Variants in TTC22 observed in about 807,000 individuals in gnomAD.
TTC22 encodes the protein tetratricopeptide repeat protein 22.
In TTC22, 42 loss-of-function variants were observed where a neutral mutation model predicts 48.2. The observed-to-expected ratio is 0.87, with a 90% CI of 0.68 to 1.13. The LOEUF (loss-of-function observed/expected upper bound fraction) is 1.13, where lower values mean the gene tolerates loss of function less well. Ranked by LOEUF, TTC22 falls within the 50% of genes most tolerant of loss-of-function variation. The pLI is 0.00. For missense variants in TTC22, 784 were observed against 807.0 expected (o/e 0.97, Z 0.34); for synonymous variants, 345 against 365.5 (o/e 0.94, Z 0.64).
At chr1:54,791,032 G>A (rs1430536584) in intron 1 of TTC22, among the ~76,000 whole-genome samples, 1 of 152,082 alleles carries the variant, frequency 6.6e-6, no homozygotes, top group Non-Finnish European at 1.5e-5. Flanking sequence ...ACTAGTTTTT[G>A]TATTTTTAGT....
At position 54,801,307 on chromosome 1, in the gene TTC22, G is replaced by C; in HGVS notation, c.-144C>G. The C allele has an allele frequency of 1.2e-6, 1 of 814,342 alleles. No individual in the cohort carries two copies. Among genetic ancestry groups the C allele is most frequent in the Non-Finnish European group, 1.9e-6 (1 of 523,660 alleles). The allele number at this position is 814,342 out of a possible 1,614,324, so 50.4% of individuals were successfully genotyped here. On this transcript the variant is annotated 5_prime_UTR_variant, in exon 1 of 7. Transcript: ENST00000371276. Reference sequence around the variant, plus strand: ...CGGGCGCTGCGGCCTCTCGGTCTCAGGGCGCCTCCCGCAGGTGGGTGGGCC... The same window carrying C: ...CGGGCGCTGCGGCCTCTCGGTCTCACGGCGCCTCCCGCAGGTGGGTGGGCC...
intron 1 of TTC22, among the ~76,000 whole-genome samples, chr1:54,789,964 C>T (rs1305976180): frequency 6.6e-6 from 1 of 152,162 alleles, no homozygotes; most frequent in Non-Finnish European, 1.5e-5. Context: ...AGGGCTGGAA[C>T]CCTGATGGTA....
intron 1 of TTC22, among the ~76,000 whole-genome samples, chr1:54,800,388 C>T (rs1401252922): frequency 6.6e-6 from 1 of 152,180 alleles, no homozygotes; most frequent in East Asian, 1.9e-4. Flanking sequence ...CTTGGGCAGG[C>T]AGTCCCACTA....
At position 54,782,319 on chromosome 1, in the gene TTC22, C is replaced by A; in HGVS notation, c.1173+6G>T. On this transcript the variant is annotated splice_donor_region_variant and intron_variant, in intron 6 of 6. Transcript: ENST00000371276. ...AGCTATTGGCTAAGCCAAGAGACTG[C>A]CTTACCTGGCCGATGTCCAGGTACG... 1 of 1,532,034 alleles carries A rather than the reference C, an allele frequency of 6.5e-7. No homozygotes were observed. The highest frequency in any genetic ancestry group is 8.8e-7 in the Non-Finnish European group (1 of 1,135,788). 94.9% of individuals were successfully genotyped at this position (1,532,034 alleles called of 1,614,324 possible).
intron 1 of TTC22, among the ~76,000 whole-genome samples, chr1:54,796,077 T>C (rs1008522248): frequency 6.6e-6 from 1 of 152,288 alleles, no homozygotes; most frequent in African/African-American, 2.4e-5. Context: ...AAAGCACTTG[T>C]GTGCACAGTG....
rs1646432970 is a variant in TTC22 at position 54,801,018 on chromosome 1, T to G, written c.146A>C (p.Gln49Pro). The G allele has an allele frequency of 1.2e-6, 2 of 1,610,880 alleles. No homozygotes were observed. Among genetic ancestry groups the G allele is most frequent in the East Asian group, 2.2e-5 (1 of 44,792 alleles). Residue 49 changes from glutamine (Q) to proline (P), a missense_variant, in exon 1 of 7, where the codon CAG (glutamine) becomes CCG (proline). Transcript: ENST00000371276. ...GAGCTCCTGCCGCAGACCCTCCCGC[T>G]GCAGCTTCAGGTCCCGGGCGCGCTG... ...APQRARDLKL[Q>P]REGLRQELQL... is the part of the protein sequence containing the mutation.
chr1:54,783,369 A>C (rs1177772284), intron 5 of TTC22, among the ~76,000 whole-genome samples: 1 of 152,200 alleles, frequency 6.6e-6, no homozygotes, highest in Non-Finnish European at 1.5e-5. Flanking sequence ...CCTGAACCTC[A>C]TTTCTATATC....
intron 1 of TTC22, among the ~76,000 whole-genome samples, chr1:54,788,638 G>C (rs661976): frequency 2.0e-5 from 3 of 152,134 alleles, no homozygotes; most frequent in Non-Finnish European, 4.4e-5. Context: ...CCAGCTTCGG[G>C]AAGGAATTTT....
At position 54,792,721 on chromosome 1, in the gene TTC22, CT is replaced by C. The variant is rs558237296; in HGVS notation, c.568-4625del. On this transcript the variant is annotated intron_variant, in intron 1 of 6. Transcript: ENST00000371276. ...GTGCTGGGATTACAGGCTTGAGCCA[CT>C]GTGTTTGGCTCTGGACTGTCTCTTT... 7.9e-5 allele frequency among the ~76,000 whole-genome samples: 12 copies of C among 152,310 alleles called. No individual in the cohort carries two copies. In the South Asian group the frequency reaches 2.5e-3, roughly 32 times the overall value.
rs551115512 is a variant in TTC22, at chr1:54,789,921, G to A, written c.568-1824C>T. ...CAAGTGCAAAAGCTCAGAGAAGAGC[G>A]AGCAAGGCATGCTGGGGTCTGCATG... On this transcript the variant is annotated intron_variant, in intron 1 of 6. Transcript: ENST00000371276. Among the ~76,000 whole-genome samples the A allele has an allele frequency of 1.5e-3, 221 of 152,352 alleles. 1 individual carries two copies. The highest frequency in any genetic ancestry group is 5.1e-3 in the African/African-American group (211 of 41,580).
At position 54,786,254 on chromosome 1, in the gene TTC22, A is replaced by G. The variant is rs552274400; in HGVS notation, c.859-110T>C. The G allele has an allele frequency of 3.3e-5, 34 of 1,030,294 alleles. No individual in the cohort carries two copies. The South Asian group carries it at 5.0e-4, about 15-fold the overall frequency. 63.8% of individuals were successfully genotyped at this position (1,030,294 alleles called of 1,614,324 possible). ...CATCTTTGGATACAGCCGTATCAAC[A>G]TGGTGCCCTTTACCCATATCCACCC... On this transcript the variant is annotated intron_variant, in intron 4 of 6. Transcript: ENST00000371276.
Position 54,788,088 on chromosome 1 carries a change from C to A in TTC22, c.577G>T (p.Glu193Ter). The A allele has an allele frequency of 6.2e-7, 1 of 1,614,052 alleles. No homozygotes were observed. Among genetic ancestry groups the A allele is most frequent in the Admixed American group, 1.7e-5 (1 of 60,008 alleles). Residue 193 changes from glutamate to a stop codon, truncating the protein, a stop_gained, in exon 2 of 7, where the codon GAG becomes TAG. Coordinates refer to ENST00000371276, the MANE Select transcript of TTC22 (RefSeq NM_001114108.2). LOFTEE classifies it high-confidence loss of function. Reference protein sequence around the residue: ...ALGYGQQIPMEEKRGWYFTMA... With the variant: ...ALGYGQQIPM ...GTGAAATACCAGCCCCTTTTCTCCT[C>A]CATCGGGATCTAGGGAAACAGAGAA...
intron 5 of TTC22, among the ~76,000 whole-genome samples, chr1:54,783,828 C>T (rs1646280753): frequency 6.6e-6 from 1 of 152,024 alleles, no homozygotes; most frequent in Admixed American, 6.6e-5. Context: ...CCTGTATCTA[C>T]AACAAATAAT....
rs142199070 is a variant in TTC22, at chr1:54,785,592, G to T, written c.1020+391C>A. The T allele has an allele frequency of 2.7e-4, 122 of 447,850 alleles. 1 individual carries two copies. In the East Asian group the frequency reaches 6.4e-3, roughly 24 times the overall value. 27.7% of individuals were successfully genotyped at this position (447,850 alleles called of 1,614,324 possible). ...TTTGGGAGGTCGAGGTGGGAGGACT[G>T]CTTGAGCCCAGGAGTTTGAGACGAG... On this transcript the variant is annotated intron_variant, in intron 5 of 6. Transcript: ENST00000371276.
chr1:54,791,526 G>A (rs1646351733), intron 1 of TTC22, among the ~76,000 whole-genome samples: 9 of 152,176 alleles, frequency 5.9e-5, no homozygotes, highest in Admixed American at 5.9e-4. Flanking sequence ...GTAGAGCTGA[G>A]TAGGGTTAGT....
rs61733131 is a variant in TTC22, at chr1:54,781,524, C to A, written c.1429G>T (p.Glu477Ter). ...SHTDGFGCLL[E>*]ALLAQWSQAQ... is the part of the protein sequence containing the mutation. ...TGGCTCCACTGCGCCAGCAGCGCCT[C>A]GAGCAGGCAGCCGAAGCCGTCGGTG... The change falls in exon 7 of 7, where the codon GAG becomes TAG. Residue 477 changes from glutamate (E) to a stop codon, truncating the protein, a stop_gained. Coordinates refer to ENST00000371276, the MANE Select transcript of TTC22 (RefSeq NM_001114108.2). LOFTEE classifies it high-confidence loss of function. 512 of 1,513,334 alleles carry A rather than the reference C, an allele frequency of 3.4e-4. No homozygotes were observed. In the African/African-American group the frequency reaches 6.1e-3, roughly 18 times the overall value. 93.7% of individuals were successfully genotyped at this position (1,513,334 alleles called of 1,614,324 possible). A position where few individuals can be genotyped will look rare whatever the true frequency, so the allele number is the denominator to read the frequency against.
In TTC22 at chr1:54,800,581, G is replaced by A. The variant is rs1388915733; in HGVS notation, c.567+16C>T. 4.7e-6 allele frequency: 7 copies of A among 1,482,146 alleles called. No homozygotes were observed. Among genetic ancestry groups the A allele is most frequent in the East Asian group, 2.6e-5 (1 of 38,576 alleles). The allele number at this position is 1,482,146 out of a possible 1,614,324, so 91.8% of individuals were successfully genotyped here. On this transcript the variant is annotated intron_variant, in intron 1 of 6. Transcript: ENST00000371276. ...CAGTCCTCCCAGAGGGAGGTAGGGA[G>A]ACAGGGGTCACCTACCTGCTGCCCG...
Position 54,790,752 on chromosome 1 carries a change from A to G in TTC22, c.568-2655T>C, listed in dbSNP as rs192818610. On this transcript the variant is annotated intron_variant, in intron 1 of 6. Coordinates refer to ENST00000371276, the MANE Select transcript of TTC22 (RefSeq NM_001114108.2). Reference sequence around the variant, plus strand: ...GGATCAGGGGCACATGGGGTGCCTCAGGCTTCCTGGCTGCTGCTGCTGCTG... The same window carrying G: ...GGATCAGGGGCACATGGGGTGCCTCGGGCTTCCTGGCTGCTGCTGCTGCTG... 4.1e-3 allele frequency among the ~76,000 whole-genome samples: 615 copies of G among 151,280 alleles called. 4 individuals carry two copies. Among genetic ancestry groups the G allele is most frequent in the African/African-American group, 0.014 (593 of 41,260 alleles).
rs113200987 is a variant in TTC22 at position 54,787,746 on chromosome 1, C to T, written c.704G>A (p.Arg235Gln). The T allele has an allele frequency of 1.3e-3, 2,171 of 1,613,464 alleles. 20 individuals are homozygous for T. The African/African-American group carries it at 0.023, about 17-fold the overall frequency. ...PAFNRTLALLRQVLKSEDPRH... is the reference protein window; with the variant it reads ...PAFNRTLALLQQVLKSEDPRH... ...GGGGTCCTCGGACTTCAGCACTTGCCGGAGTAGGGCCAGCGTGCGGTTGAA... is the reference window on the plus strand; with the variant it reads ...GGGGTCCTCGGACTTCAGCACTTGCTGGAGTAGGGCCAGCGTGCGGTTGAA... Residue 235 changes from arginine to glutamine, a missense_variant, in exon 3 of 7, where the codon CGG becomes CAG. By Grantham distance (43) the Arg-to-Gln change is conservative (BLOSUM62 1). Coordinates refer to ENST00000371276, the MANE Select transcript of TTC22 (RefSeq NM_001114108.2).
Sources: allele counts gnomAD v4.1 joint callset (sites outside exome capture counted in the v4.1 genomes callset), GRCh38; gene constraint gnomAD v4.1.1; transcripts MANE v1.5; gene names NCBI Gene and HGNC (gene_info 2026-07-23, HGNC 2026-07-21).